SUMF1: variants seen among roughly 807,000 people sequenced by gnomAD.
SUMF1 encodes sulfatase modifying factor 1, also known as formylglycine-generating enzyme.
In SUMF1, 48 loss-of-function variants were observed where a neutral mutation model predicts 47.6. The observed-to-expected ratio is 1.01, with a 90% CI of 0.80 to 1.28. The LOEUF (loss-of-function observed/expected upper bound fraction) is 1.28. Ranked by LOEUF, SUMF1 falls within the 50% of genes most tolerant of loss-of-function variation. SUMF1 has a pLI of 0.00. For missense variants in SUMF1, 571 were observed against 485.4 expected (o/e 1.18, Z -1.66); for synonymous variants, 230 against 192.1 (o/e 1.20, Z -1.63).
chr3:4,240,707 A>G (rs568747952), intron 8 of SUMF1, among the ~76,000 whole-genome samples: 1 of 152,158 alleles, frequency 6.6e-6, no homozygotes, highest in Admixed American at 6.5e-5. Context: ...ATAAAATGTT[A>G]TAAAGCTCTT....
chr3:4,090,096 G>T (rs1216671920), intron 8 of SUMF1, among the ~76,000 whole-genome samples: 1 of 152,098 alleles, frequency 6.6e-6, no homozygotes, highest in Non-Finnish European at 1.5e-5. Flanking sequence ...ACAGTGCCTG[G>T]CCATAGCAGG....
chr3:4,116,394 T>C (rs990871558), intron 8 of SUMF1, among the ~76,000 whole-genome samples: 3 of 152,154 alleles, frequency 2.0e-5, no homozygotes, highest in African/African-American at 7.2e-5. Flanking sequence ...ACATACATAG[T>C]TGCTTTCCTG....
Position 4,459,707 on chromosome 3 carries a change from G to C in SUMF1, c.271-6658C>G, listed in dbSNP as rs139109260. Among the ~76,000 whole-genome samples, 278 of 152,188 alleles carry C rather than the reference G, an allele frequency of 1.8e-3. 1 individual carries two copies. Among genetic ancestry groups the C allele is most frequent in the African/African-American group, 6.4e-3 (267 of 41,514 alleles). On this transcript the variant is annotated intron_variant, in intron 1 of 8. Transcript: ENST00000272902. ...TTACACAGGCCACCTAGTCTCACTA[G>C]ATTTCCTAAATATGTATCTCTCTAA... is the stretch of plus-strand genomic sequence containing the variant.
chr3:4,401,983 A>C (rs1288499819), intron 7 of SUMF1, among the ~76,000 whole-genome samples: 1 of 152,182 alleles, frequency 6.6e-6, no homozygotes, highest in Non-Finnish European at 1.5e-5. Flanking sequence ...GAAATTCTTG[A>C]AACAGCTCTA....
At chr3:4,173,297 C>A (rs1694874737) in intron 8 of SUMF1, among the ~76,000 whole-genome samples, 2 of 152,112 alleles carry the variant, frequency 1.3e-5, no homozygotes, top group Non-Finnish European at 2.9e-5. Flanking sequence ...CATCACAGGT[C>A]ATTAGAGAAA....
intron 8 of SUMF1, among the ~76,000 whole-genome samples, chr3:4,137,624 AAAAC>A (rs963540768): frequency 6.6e-5 from 10 of 152,194 alleles, no homozygotes; most frequent in South Asian, 6.2e-4. Flanking sequence ...AGTATAATTA[AAAAC>A]AAACAAACAA....
At chr3:4,303,494 T>A (rs970883416) in intron 8 of SUMF1, 1 of 1,480,740 alleles carries the variant, frequency 6.8e-7, no homozygotes, top group Non-Finnish European at 8.9e-7. Flanking sequence ...GGTGGGCGCG[T>A]GGCCCCCGGG....
chr3:4,457,562 G>C (rs775438748), intron 1 of SUMF1, among the ~76,000 whole-genome samples: 40 of 152,096 alleles, frequency 2.6e-4, no homozygotes, highest in African/African-American at 1.2e-4. Flanking sequence ...CAATGGAACA[G>C]GATAGAGAGT....
In SUMF1 at chr3:4,335,960, C is replaced by CAAAAAAAACAAAAAAAAAAA. The variant is rs5846319; in HGVS notation, c.1014+40369_1014+40370insTTTTTTTTTTTGTTTTTTTT. 1.8e-3 allele frequency among the ~76,000 whole-genome samples: 131 copies of CAAAAAAAACAAAAAAAAAAA among 73,366 alleles called. 14 individuals are homozygous for CAAAAAAAACAAAAAAAAAAA. Among genetic ancestry groups the CAAAAAAAACAAAAAAAAAAA allele is most frequent in the Middle Eastern group, 0.013 (1 of 80 alleles). 48.1% of individuals were successfully genotyped at this position (73,366 alleles called of 152,430 possible). Reference sequence around the variant, plus strand: ...TGGACAACTGAGTGAGATTCCAACTCAAAAAAAAAAAAAAAAAAAACAGAA... The same window carrying CAAAAAAAACAAAAAAAAAAA: ...TGGACAACTGAGTGAGATTCCAACTCAAAAAAAACAAAAAAAAAAAAAAAAAAAAAAAAAAAAAAACAGAA... On this transcript the variant is annotated intron_variant and NMD_transcript_variant, in intron 8 of 12. Coordinates refer to the SUMF1 transcript ENST00000448413.
At chr3:4,072,444 C>T (rs1488244906) in intron 8 of SUMF1, among the ~76,000 whole-genome samples, 1 of 152,128 alleles carries the variant, frequency 6.6e-6, no homozygotes, top group African/African-American at 2.4e-5. Flanking sequence ...GGTCACAACT[C>T]CTCACCAGCA....
At chr3:4,223,717 C>T (rs1272782433) in intron 8 of SUMF1, among the ~76,000 whole-genome samples, 1 of 152,098 alleles carries the variant, frequency 6.6e-6, no homozygotes, top group East Asian at 1.9e-4. Context: ...AAAAGTCTCC[C>T]TCTCTCCAAA....
intron 8 of SUMF1, among the ~76,000 whole-genome samples, chr3:4,197,650 T>A (rs1479894116): frequency 6.6e-6 from 1 of 152,156 alleles, no homozygotes; most frequent in Non-Finnish European, 1.5e-5. Flanking sequence ...TTTTATAGAA[T>A]AATCTTTAGC....
At chr3:4,434,114 T>C (rs1367823969) in intron 3 of SUMF1, among the ~76,000 whole-genome samples, 2 of 152,118 alleles carry the variant, frequency 1.3e-5, no homozygotes, top group Non-Finnish European at 2.9e-5. Flanking sequence ...ACAATGGAGG[T>C]CACCAGAGGC....
chr3:4,290,492 C>A (rs1476964448), intron 8 of SUMF1, among the ~76,000 whole-genome samples: 1 of 152,164 alleles, frequency 6.6e-6, no homozygotes, highest in East Asian at 1.9e-4. Flanking sequence ...AAGGGTATTG[C>A]TGCTACAGAG....
At chr3:4,103,218 C>T (rs753295337) in intron 8 of SUMF1, among the ~76,000 whole-genome samples, 15 of 150,224 alleles carry the variant, frequency 1.0e-4, no homozygotes, top group South Asian at 2.1e-4. Flanking sequence ...CCACTGTGCC[C>T]GGCCAACACT....
exon 9 of SUMF1, chr3:4,068,577 T>A: frequency 2.7e-6 from 1 of 376,366 alleles, no homozygotes; most frequent in Non-Finnish European, 5.4e-6. Flanking sequence ...ACAGCACATC[T>A]CAATTCAAAC....
At chr3:4,101,309 T>TA (rs992460929) in intron 8 of SUMF1, among the ~76,000 whole-genome samples, 1 of 152,096 alleles carries the variant, frequency 6.6e-6, no homozygotes, top group African/African-American at 2.4e-5. Context: ...TATTCAGCCT[T>TA]AAAAAACACA....
chr3:4,134,179 T>G (rs998593787), intron 8 of SUMF1, among the ~76,000 whole-genome samples: 1 of 152,056 alleles, frequency 6.6e-6, no homozygotes, highest in Non-Finnish European at 1.5e-5. Flanking sequence ...CTTTCAGCAC[T>G]ACACCACAAA....
At chr3:4,122,446 T>TGGGATC (rs1014773565) in intron 8 of SUMF1, among the ~76,000 whole-genome samples, 1 of 152,112 alleles carries the variant, frequency 6.6e-6, no homozygotes, top group African/African-American at 2.4e-5. Context: ...GAATTTTATT[T>TGGGATC]GGGGATCATG....
Sources: allele counts gnomAD v4.1 joint callset (sites outside exome capture counted in the v4.1 genomes callset), GRCh38; gene constraint gnomAD v4.1.1; transcripts MANE v1.5; gene names NCBI Gene and HGNC (gene_info 2026-07-23, HGNC 2026-07-21).